Variants in EPS15L1 observed in about 807,000 individuals in gnomAD.
The protein encoded by EPS15L1 is epidermal growth factor receptor substrate 15-like 1.
EPS15L1 carries 43 observed loss-of-function variants against 117.1 expected under a neutral mutation model. The ratio of observed to expected loss-of-function variants is 0.37; its 90% CI spans 0.29 to 0.47. EPS15L1 has a LOEUF of 0.47. EPS15L1 is among the 20% of genes least tolerant of loss of function. The pLI is 0.99. For missense variants in EPS15L1, 981 were observed against 1,164.0 expected (o/e 0.84, Z 2.29); for synonymous variants, 459 against 470.5 (o/e 0.98, Z 0.32).
chr19:16,394,085 A>T, intron 17 of EPS15L1, 84 bp from the exon 18 acceptor site: 1 of 1,227,372 alleles, frequency 8.1e-7, no homozygotes, highest in Admixed American at 1.7e-5. Context: ...CCCACCTCCC[A>T]AGCCTTTCAT....
chr19:16,461,807 G>A (rs892815284), intron 1 of EPS15L1, among the ~76,000 whole-genome samples: 5 of 152,224 alleles, frequency 3.3e-5, no homozygotes, highest in Admixed American at 1.3e-4. Flanking sequence ...CGGCCAGTGG[G>A]CTCGAGCAGG....
chr19:16,437,904 C>T (rs1217726778), intron 4 of EPS15L1, 39 bp from the exon 5 acceptor site: 9 of 1,502,924 alleles, frequency 6.0e-6, no homozygotes, highest in Non-Finnish European at 6.5e-6. Context: ...AACAGCATAT[C>T]GCCAGTGAGG....
At chr19:16,446,598 A>G (rs980840150) in intron 1 of EPS15L1, among the ~76,000 whole-genome samples, 3 of 152,166 alleles carry the variant, frequency 2.0e-5, no homozygotes, top group African/African-American at 7.2e-5. Context: ...ACTCAGGACC[A>G]CAACAGCCAA....
Position 16,406,949 on chromosome 19 carries a change from G to A in EPS15L1, c.1267-2200C>T, listed in dbSNP as rs1484568826. The stretch of plus-strand genomic sequence containing the variant: ...TAGTGGCCTTATAAAAGAGGCCCCT[G>A]AGAGCTGCCTCGATCTTTCCACTGA... On this transcript the variant is annotated intron_variant, in intron 13 of 23. Transcript: ENST00000455140. 4.6e-5 allele frequency among the ~76,000 whole-genome samples: 7 copies of A among 152,202 alleles called. No homozygotes were observed. In the South Asian group the frequency reaches 1.4e-3, roughly 32 times the overall value.
At position 16,471,344 on chromosome 19, in the gene EPS15L1, C is replaced by A. The variant is rs935230611; in HGVS notation, c.33+569G>T. Among the ~76,000 whole-genome samples, 9 of 152,256 alleles carry A rather than the reference C, an allele frequency of 5.9e-5. No individual in the cohort carries two copies. The highest frequency in any genetic ancestry group is 1.9e-4 in the African/African-American group (8 of 41,480). ...GCATGTCTGTGTCGCGCTATCGATA[C>A]TGCCCCTTCATAAGCGCATCAGGCG... On this transcript the variant is annotated intron_variant, in intron 1 of 23. Coordinates refer to ENST00000455140, the MANE Select transcript of EPS15L1 (RefSeq NM_001258374.3). This position sits in a 1 kb window ranked among gnomAD's most constrained non-coding sequence, Gnocchi z 4.8.
chr19:16,465,057 C>T (rs1471744070), intron 1 of EPS15L1, among the ~76,000 whole-genome samples: 1 of 148,322 alleles, frequency 6.7e-6, no homozygotes, highest in Non-Finnish European at 1.5e-5. Flanking sequence ...CCAGCCTGGG[C>T]AACAGAGCGA....
intron 17 of EPS15L1, 34 bp downstream of exon 17, chr19:16,395,310 C>A (rs1342044205): frequency 6.2e-7 from 1 of 1,600,480 alleles, no homozygotes; most frequent in Non-Finnish European, 8.5e-7. Context: ...AACACACAGT[C>A]TTTCAATGAG....
chr19:16,417,350 T>G (rs1366756988), intron 12 of EPS15L1: 17 of 560,462 alleles, frequency 3.0e-5, no homozygotes, highest in Admixed American at 5.9e-5. Context: ...CTACGGGCTC[T>G]GGCTGAGGCT....
At chr19:16,421,786 G>A (rs1568437557) in intron 9 of EPS15L1, among the ~76,000 whole-genome samples, 1 of 152,124 alleles carries the variant, frequency 6.6e-6, no homozygotes, top group Admixed American at 6.5e-5. Context: ...ATCTTCAGGG[G>A]ATGGGTTCAA....
At chr19:16,366,910 TCTG>T (rs2092141078) in intron 22 of EPS15L1, among the ~76,000 whole-genome samples, 1 of 152,182 alleles carries the variant, frequency 6.6e-6, no homozygotes, top group African/African-American at 2.4e-5. Context: ...TGTAACCACT[TCTG>T]CTAACTCCTT....
intron 1 of EPS15L1, among the ~76,000 whole-genome samples, chr19:16,456,212 C>CA (rs1344316967): frequency 1.3e-5 from 2 of 151,516 alleles, no homozygotes; most frequent in East Asian, 3.9e-4. Context: ...AACAAACAAA[C>CA]AAAAAACCCT....
chr19:16,471,087 T>A lies in EPS15L1; in HGVS notation c.33+826A>T, dbSNP rs983494034. On this transcript the variant is annotated intron_variant, in intron 1 of 23. Transcript: ENST00000455140. The surrounding 1 kb of genome is among the most constrained non-coding windows in gnomAD (Gnocchi z 4.8). ...AGATCATTCTAGCAAAATGCTTATA[T>A]GGTGCTTTGCACAACACAGGTATTC... Among the ~76,000 whole-genome samples the A allele has an allele frequency of 1.3e-5, 2 of 152,222 alleles. No homozygotes were observed. Among genetic ancestry groups the A allele is most frequent in the Admixed American group, 6.5e-5 (1 of 15,276 alleles).
chr19:16,424,441 G>A (rs562656875), intron 9 of EPS15L1, among the ~76,000 whole-genome samples: 4 of 151,930 alleles, frequency 2.6e-5, no homozygotes, highest in African/African-American at 7.2e-5. Context: ...GTGCCTACCA[G>A]TGAGTTTGGC....
At chr19:16,398,740 G>A (rs556599438) in intron 16 of EPS15L1, among the ~76,000 whole-genome samples, 48 of 152,162 alleles carry the variant, frequency 3.2e-4, no homozygotes, top group African/African-American at 1.2e-3. Flanking sequence ...ACTGAGCAGC[G>A]TGGGAGTTTT....
intron 16 of EPS15L1, among the ~76,000 whole-genome samples, chr19:16,400,360 A>AAAAAAAAAAAAAAAC (rs1568418719): frequency 1.3e-5 from 2 of 150,094 alleles, no homozygotes; most frequent in South Asian, 2.1e-4. Flanking sequence ...CAAAAACAAA[A>AAAAAAAAAAAAAAAC]AAAAAAAAAA....
At chr19:16,457,163 A>G (rs1005058558) in intron 1 of EPS15L1, among the ~76,000 whole-genome samples, 1 of 152,192 alleles carries the variant, frequency 6.6e-6, no homozygotes, top group Non-Finnish European at 1.5e-5. Flanking sequence ...CCAGTTCCCT[A>G]AAAACGAATG....
chr19:16,385,169 T>C lies in EPS15L1; in HGVS notation c.2207A>G (p.Asn736Ser), dbSNP rs543902952. The stretch of plus-strand genomic sequence containing the variant: ...GAAGTCGGCAAAGCCTTCAGCACTA[T>C]TGAAGGACCCACTTCCGAAGGGATC... ...TLDPFGSGSF[N>S]SAEGFADFSQ... The change falls in exon 21 of 24, where the codon AAT becomes AGT. Residue 736 changes from asparagine to serine, a missense_variant. Around this residue, in one of 5 missense-constraint regions of EPS15L1, gnomAD observed 819 missense variants for 949.0 expected, o/e 0.86. Coordinates refer to ENST00000455140, the MANE Select transcript of EPS15L1 (RefSeq NM_001258374.3). 253 of 1,614,148 alleles carry C rather than the reference T, an allele frequency of 1.6e-4. 4 individuals are homozygous for C. In the South Asian group the frequency reaches 2.5e-3, roughly 16 times the overall value.
Position 16,386,354 on chromosome 19 carries a change from T to C in EPS15L1, c.2104-123A>G, listed in dbSNP as rs550110215. ...GTGCTGAGCCAGAGGGAAAGTGGAA[T>C]GATTAAAACTCAACCCAGGCAGAGT... is the stretch of plus-strand genomic sequence containing the variant. On this transcript the variant is annotated intron_variant, in intron 19 of 23. Coordinates refer to ENST00000455140, the MANE Select transcript of EPS15L1 (RefSeq NM_001258374.3). The C allele has an allele frequency of 2.5e-5, 19 of 751,060 alleles. No homozygotes were observed. The South Asian group carries it at 2.8e-4, about 11-fold the overall frequency. The allele number at this position is 751,060 out of a possible 1,614,324, so 46.5% of individuals were successfully genotyped here. A position where few individuals can be genotyped will look rare whatever the true frequency, so the allele number is the denominator to read the frequency against.
In EPS15L1 at chr19:16,362,511, C is replaced by CTT. The variant is rs71178690; in HGVS notation, c.2381-529_2381-528dup. On this transcript the variant is annotated intron_variant, in intron 22 of 23. Coordinates refer to ENST00000455140, the MANE Select transcript of EPS15L1 (RefSeq NM_001258374.3). ...GCTCTGCCATGCTGAGGTTTAAGTT[C>CTT]TTTTTTTTTTTTTTTTTTTTTTTTT... 3.8e-3 allele frequency among the ~76,000 whole-genome samples: 214 copies of CTT among 56,068 alleles called. 27 individuals are homozygous for CTT. The highest frequency in any genetic ancestry group is 0.01 in the Middle Eastern group (1 of 98). 36.8% of individuals were successfully genotyped at this position (56,068 alleles called of 152,430 possible). A position where few individuals can be genotyped will look rare whatever the true frequency, so the allele number is the denominator to read the frequency against.
Sources: gnomAD v4.1 joint callset for allele counts (sites outside exome capture counted in the v4.1 genomes callset) on GRCh38, gnomAD v4.1.1 for gene constraint, gnomAD v4.1.1 regional missense constraint, Gnocchi (gnomAD v3.1) non-coding constraint, MANE v1.5 for transcripts, NCBI Gene and HGNC (gene_info 2026-07-23, HGNC 2026-07-21) for gene names.